Variants in OSBPL11 observed in about 807,000 individuals in gnomAD.
OSBPL11 encodes the protein oxysterol binding protein like 11.
Under a neutral mutation model 84.4 loss-of-function variants are expected in OSBPL11, and 33 were observed. The observed-to-expected ratio is 0.39, with a 90% CI of 0.30 to 0.52. The LOEUF (loss-of-function observed/expected upper bound fraction) is 0.52. Among genes scored for constraint, OSBPL11 ranks in the 20% least tolerant of loss-of-function variants. The pLI is 0.72. For synonymous variants in OSBPL11, 276 were observed against 310.2 expected (o/e 0.89, Z 1.16); for missense variants, 736 against 901.1 (o/e 0.82, Z 2.35).
At chr3:125,586,714 A>T (rs892813305) in intron 1 of OSBPL11, among the ~76,000 whole-genome samples, 1 of 151,970 alleles carries the variant, frequency 6.6e-6, no homozygotes, top group Non-Finnish European at 1.5e-5. Context: ...ACGGGGTTTC[A>T]TCATGTTGGT....
chr3:125,542,461 G>A (rs1180917247), intron 10 of OSBPL11, among the ~76,000 whole-genome samples: 2 of 151,088 alleles, frequency 1.3e-5, no homozygotes. Flanking sequence ...TCAGCCTCCC[G>A]AGTAGCTGGG....
Position 125,594,757 on chromosome 3 carries a change from C to A in OSBPL11, c.44G>T (p.Ser15Ile), listed in dbSNP as rs766225268. Reference protein sequence around the residue: ...EPVSTMKVSESEGKLEGQATA... With the variant: ...EPVSTMKVSEIEGKLEGQATA... The stretch of plus-strand genomic sequence containing the variant: ...GGCCTGGCCCTCCAGCTTTCCTTCG[C>A]TCTCCGAGACTTTCATTGTGGACAC... The change falls in exon 1 of 13, where the codon AGC becomes ATC. Residue 15 changes from serine to isoleucine, a missense_variant. By Grantham distance (142) the Ser-to-Ile change is moderately radical. Around this residue, in one of 3 missense-constraint regions of OSBPL11, gnomAD observed 114 missense variants for 104.9 expected, o/e 1.09. Coordinates refer to ENST00000296220, the MANE Select transcript of OSBPL11 (RefSeq NM_022776.5). 3.1e-6 allele frequency: 5 copies of A among 1,614,202 alleles called. No individual in the cohort carries two copies. The highest frequency in any genetic ancestry group is 4.2e-6 in the Non-Finnish European group (5 of 1,180,020).
At chr3:125,567,234 GA>G (rs1276202663) in intron 6 of OSBPL11, among the ~76,000 whole-genome samples, 159 bp downstream of exon 6, 3 of 152,162 alleles carry the variant, frequency 2.0e-5, no homozygotes, top group African/African-American at 7.2e-5. Flanking sequence ...CAATCATTAA[GA>G]ATTTGTATAA....
intron 7 of OSBPL11, 22 bp from the exon 8 acceptor site, chr3:125,560,541 A>ATTCCT: frequency 6.5e-7 from 1 of 1,529,020 alleles, no homozygotes; most frequent in Non-Finnish European, 8.8e-7. Flanking sequence ...ACAAAGCAAA[A>ATTCCT]GTCTAGTATT....
chr3:125,545,253 AAC>A (rs1025363366), intron 10 of OSBPL11, among the ~76,000 whole-genome samples: 17 of 152,226 alleles, frequency 1.1e-4, no homozygotes, highest in Non-Finnish European at 5.9e-5. Context: ...GTGCCAGGAA[AAC>A]AGTTTGTCTA....
chr3:125,572,578 G>C (rs1196519309), intron 5 of OSBPL11, among the ~76,000 whole-genome samples: 5 of 151,968 alleles, frequency 3.3e-5, no homozygotes, highest in Non-Finnish European at 7.4e-5. Flanking sequence ...TAGTGAATAA[G>C]TCTCACAAGA....
rs1309363620 is a variant in OSBPL11, at chr3:125,577,227, G to A, written c.490-862C>T. 4.6e-5 allele frequency among the ~76,000 whole-genome samples: 7 copies of A among 151,978 alleles called. No homozygotes were observed. The East Asian group carries it at 9.7e-4, about 21-fold the overall frequency. On this transcript the variant is annotated intron_variant, in intron 4 of 12. Transcript: ENST00000296220. Reference sequence around the variant, plus strand: ...AGGAAGAACGATTAAAAAAAAAATAGTAAAAGCCAAGTTATCACCTAGGTA... The same window carrying A: ...AGGAAGAACGATTAAAAAAAAAATAATAAAAGCCAAGTTATCACCTAGGTA...
At position 125,585,596 on chromosome 3, in the gene OSBPL11, G is replaced by A. The variant is rs915962443; in HGVS notation, c.165-2618C>T. On this transcript the variant is annotated intron_variant, in intron 1 of 12. Transcript: ENST00000296220. ...ATGGTTTATTTGGTAGTAGCATAAAGTTAGTTTCAAAAGAGGCAGAAATTC... is the reference window on the plus strand; with the variant it reads ...ATGGTTTATTTGGTAGTAGCATAAAATTAGTTTCAAAAGAGGCAGAAATTC... 2.0e-5 allele frequency among the ~76,000 whole-genome samples: 3 copies of A among 150,580 alleles called. No individual in the cohort carries two copies. The South Asian group carries it at 6.2e-4, about 31-fold the overall frequency.
intron 8 of OSBPL11, among the ~76,000 whole-genome samples, chr3:125,554,172 GT>G (rs751485067): frequency 6.6e-6 from 1 of 152,184 alleles, no homozygotes; most frequent in Non-Finnish European, 1.5e-5. Flanking sequence ...AAGTCTAGAG[GT>G]TTAGCCTCTG....
chr3:125,575,064 C>T (rs111661264), intron 5 of OSBPL11, among the ~76,000 whole-genome samples: 15 of 152,242 alleles, frequency 9.9e-5, no homozygotes, highest in African/African-American at 3.1e-4. Flanking sequence ...TTTCCAAACA[C>T]ATTATCTGTG....
At chr3:125,575,141 G>A (rs1459575450) in intron 5 of OSBPL11, among the ~76,000 whole-genome samples, 8 of 151,994 alleles carry the variant, frequency 5.3e-5, no homozygotes, top group Admixed American at 4.6e-4. Flanking sequence ...ATACAGAAAC[G>A]GATATGAGAA....
At chr3:125,576,091 G>T in intron 5 of OSBPL11, 98 bp downstream of exon 5, 2 of 1,012,608 alleles carry the variant, frequency 2.0e-6, no homozygotes, top group Non-Finnish European at 2.9e-6. Flanking sequence ...AACAATGAAG[G>T]CCCTTGAAGA....
intron 8 of OSBPL11, among the ~76,000 whole-genome samples, chr3:125,559,447 G>A (rs143189733): frequency 0.016 from 2,390 of 152,174 alleles, 23 homozygotes; most frequent in Non-Finnish European, 0.026. Flanking sequence ...GGAGCGCAGT[G>A]GCACAATCTC....
At chr3:125,573,798 G>C (rs1210775076) in intron 5 of OSBPL11, among the ~76,000 whole-genome samples, 1 of 150,656 alleles carries the variant, frequency 6.6e-6, no homozygotes, top group Non-Finnish European at 1.5e-5. Flanking sequence ...CTTGAACCTG[G>C]GAGGCAGAGG....
At chr3:125,580,077 T>C in intron 2 of OSBPL11, 37 bp from the exon 3 acceptor site, 1 of 1,571,562 alleles carries the variant, frequency 6.4e-7, no homozygotes, top group African/African-American at 1.4e-5. Context: ...TTTGTAAACA[T>C]TTTCCCTCAG....
intron 1 of OSBPL11, among the ~76,000 whole-genome samples, chr3:125,588,977 C>A (rs1936555461): frequency 6.6e-6 from 1 of 152,110 alleles, no homozygotes; most frequent in South Asian, 2.1e-4. Context: ...CTCCCTCCTG[C>A]CAAGAGTCTT....
intron 10 of OSBPL11, 39 bp downstream of exon 10, chr3:125,547,367 G>A (rs906523031): frequency 9.1e-6 from 14 of 1,542,396 alleles, no homozygotes; most frequent in Non-Finnish European, 1.2e-5. Context: ...AAATCAAAGT[G>A]GAAGAATAAG....
At chr3:125,585,536 GAAA>G (rs34111464) in intron 1 of OSBPL11, among the ~76,000 whole-genome samples, 1 of 85,108 alleles carries the variant, frequency 1.2e-5, no homozygotes, top group East Asian at 2.5e-4. Flanking sequence ...TTAGCTTTCT[GAAA>G]AAAAAAAAAA....
Position 125,531,841 on chromosome 3 carries a change from T to C in OSBPL11, c.2178+20A>G, listed in dbSNP as rs1283311101. On this transcript the variant is annotated intron_variant, in intron 12 of 12. Coordinates refer to ENST00000296220, the MANE Select transcript of OSBPL11 (RefSeq NM_022776.5). ...CAGCCAAGTAGATACATTTTTATCTTGAACACATGTACAGCATACCTCTTT... is the reference window on the plus strand; with the variant it reads ...CAGCCAAGTAGATACATTTTTATCTCGAACACATGTACAGCATACCTCTTT... 3 of 1,585,620 alleles carry C rather than the reference T, an allele frequency of 1.9e-6. No homozygotes were observed. In the Admixed American group the frequency reaches 5.7e-5, roughly 30 times the overall value.
Sources: gnomAD v4.1 joint callset for allele counts (sites outside exome capture counted in the v4.1 genomes callset) on GRCh38, gnomAD v4.1.1 for gene constraint, gnomAD v4.1.1 regional missense constraint, MANE v1.5 for transcripts, NCBI Gene and HGNC (gene_info 2026-07-23, HGNC 2026-07-21) for gene names.